PDE10A: variants seen among roughly 807,000 people sequenced by gnomAD.
PDE10A encodes the protein cAMP and cAMP-inhibited cGMP 3',5'-cyclic phosphodiesterase 10A.
PDE10A carries 39 observed loss-of-function variants against 97.7 expected under a neutral mutation model. The ratio of observed to expected loss-of-function variants is 0.40; its 90% CI spans 0.31 to 0.52. PDE10A has a LOEUF of 0.52. PDE10A is among the 20% of genes least tolerant of loss of function. The probability of loss-of-function intolerance (pLI) is 0.56; values close to 1 mark genes in which losing one functional copy is unlikely to be tolerated. For missense variants in PDE10A, 731 were observed against 1,047.8 expected, an observed-to-expected ratio of 0.70 and a Z score of 4.17; for synonymous variants, 371 against 376.8, an observed-to-expected ratio of 0.98 and a Z score of 0.18.
At chr6:165,836,346 T>C (rs373046997) in intron 1 of PDE10A, among the ~76,000 whole-genome samples, 44 of 152,342 alleles carry the variant, frequency 2.9e-4, no homozygotes, top group African/African-American at 9.4e-4. Context: ...ACTATGTTCG[T>C]TTTGAAAAGT....
At chr6:165,557,338 A>T (rs1484635917) in intron 1 of PDE10A, among the ~76,000 whole-genome samples, 1 of 152,168 alleles carries the variant, frequency 6.6e-6, no homozygotes, top group Non-Finnish European at 1.5e-5. Flanking sequence ...TTCATAATTA[A>T]TAACCTTCAT....
intron 1 of PDE10A, among the ~76,000 whole-genome samples, chr6:165,927,209 A>G (rs1782964749): frequency 1.3e-5 from 2 of 152,162 alleles, no homozygotes; most frequent in Admixed American, 1.3e-4. Flanking sequence ...CAGAACGTAA[A>G]GTATAACTTA....
intron 1 of PDE10A, among the ~76,000 whole-genome samples, chr6:165,715,105 C>T (rs1173343930): frequency 6.6e-6 from 1 of 152,246 alleles, no homozygotes; most frequent in Non-Finnish European, 1.5e-5. Flanking sequence ...CGAGAACCCC[C>T]GAGGGACGCT....
At chr6:165,964,478 C>A (rs565632686) in intron 1 of PDE10A, among the ~76,000 whole-genome samples, 1 of 152,056 alleles carries the variant, frequency 6.6e-6, no homozygotes, top group African/African-American at 2.4e-5. Context: ...GAAATCTGGG[C>A]GTAATGGTCT....
intron 5 of PDE10A, among the ~76,000 whole-genome samples, chr6:165,435,976 G>T (rs777868272): frequency 6.6e-6 from 1 of 152,072 alleles, no homozygotes; most frequent in Non-Finnish European, 1.5e-5. Context: ...TCAAATGACT[G>T]GGTGGGAAGG....
At chr6:165,970,222 AG>A (rs147235677) in intron 1 of PDE10A, among the ~76,000 whole-genome samples, 2,640 of 152,346 alleles carry the variant, frequency 0.017, 78 homozygotes, top group African/African-American at 0.059. Flanking sequence ...TCCAGACTGA[AG>A]GAAACCAAAG....
intron 1 of PDE10A, among the ~76,000 whole-genome samples, chr6:165,756,534 C>G (rs555458204): frequency 6.6e-6 from 1 of 152,180 alleles, no homozygotes; most frequent in South Asian, 2.1e-4. Flanking sequence ...TTGTATTTTT[C>G]TTTTAATATT....
chr6:165,857,007 A>G (rs1238438211), intron 1 of PDE10A, among the ~76,000 whole-genome samples: 6 of 152,248 alleles, frequency 3.9e-5, no homozygotes, highest in African/African-American at 1.4e-4. Context: ...TTCCTCCATC[A>G]GTCTCTAAAT....
intron 1 of PDE10A, among the ~76,000 whole-genome samples, chr6:165,860,887 C>A (rs909028022): frequency 2.0e-5 from 3 of 152,204 alleles, no homozygotes; most frequent in African/African-American, 7.2e-5. Flanking sequence ...GCAGGCACAT[C>A]ATGGGCCTCT....
intron 1 of PDE10A, among the ~76,000 whole-genome samples, chr6:165,673,947 TAAA>T (rs1562676964): frequency 3.3e-5 from 5 of 149,812 alleles, no homozygotes; most frequent in African/African-American, 1.2e-4. Flanking sequence ...TGGATTACGA[TAAA>T]ATAATGTGAC....
At chr6:165,484,744 A>C (rs999185867) in intron 2 of PDE10A, among the ~76,000 whole-genome samples, 5 of 152,146 alleles carry the variant, frequency 3.3e-5, no homozygotes, top group African/African-American at 1.2e-4. Context: ...TGAGTGCTTC[A>C]ATTGCACAGC....
intron 18 of PDE10A, among the ~76,000 whole-genome samples, chr6:165,369,522 T>A (rs1784071220): frequency 7.0e-6 from 1 of 143,882 alleles, no homozygotes; most frequent in African/African-American, 2.7e-5. Flanking sequence ...GAAGGAAGTT[T>A]AGAGAAAAAA....
intron 2 of PDE10A, among the ~76,000 whole-genome samples, chr6:165,484,877 A>G (rs1779811704): frequency 6.6e-6 from 1 of 152,154 alleles, no homozygotes; most frequent in Non-Finnish European, 1.5e-5. Flanking sequence ...TGTCTCAGTC[A>G]CAGTTTTGGG....
At chr6:165,473,635 A>G (rs949856118) in intron 3 of PDE10A, among the ~76,000 whole-genome samples, 9 of 149,806 alleles carry the variant, frequency 6.0e-5, no homozygotes, top group Non-Finnish European at 7.4e-5. Context: ...GAGAAAAAAA[A>G]TGTAGAACAC....
intron 1 of PDE10A, among the ~76,000 whole-genome samples, chr6:165,888,443 G>A (rs1781689558): frequency 6.6e-6 from 1 of 151,786 alleles, no homozygotes; most frequent in Non-Finnish European, 1.5e-5. Context: ...GCACCAACAC[G>A]CCTGGCTAGT....
intron 1 of PDE10A, among the ~76,000 whole-genome samples, chr6:165,907,635 G>C (rs1010587061): frequency 1.3e-5 from 2 of 152,174 alleles, no homozygotes; most frequent in African/African-American, 4.8e-5. Flanking sequence ...GCCCTGACCT[G>C]AGTGCCATCG....
intron 1 of PDE10A, among the ~76,000 whole-genome samples, chr6:165,641,716 G>A (rs1789143828): frequency 6.6e-6 from 1 of 152,228 alleles, no homozygotes; most frequent in Non-Finnish European, 1.5e-5. Flanking sequence ...CACCCACCGT[G>A]TGGTGATTCA....
intron 1 of PDE10A, among the ~76,000 whole-genome samples, chr6:165,578,043 G>A (rs142374882): frequency 1.8e-4 from 27 of 152,308 alleles, no homozygotes; most frequent in African/African-American, 6.3e-4. Context: ...CCCACTGGGT[G>A]AGCCACGACC....
intron 1 of PDE10A, 137 bp from the exon 2 acceptor site, chr6:165,543,705 G>C (rs1249259910): frequency 1.6e-6 from 1 of 610,808 alleles, no homozygotes; most frequent in African/African-American, 1.9e-5. Flanking sequence ...GAGCGGGAAG[G>C]GGAAGCTACT....
Sources: gnomAD v4.1 joint callset for allele counts (sites outside exome capture counted in the v4.1 genomes callset) on GRCh38, gnomAD v4.1.1 for gene constraint, MANE v1.5 for transcripts, NCBI Gene and HGNC (gene_info 2026-07-23, HGNC 2026-07-21) for gene names.